SHISA6: variants seen among roughly 807,000 people sequenced by gnomAD.
SHISA6 encodes the protein shisa family member 6.
Under a neutral mutation model 47.9 loss-of-function variants are expected in SHISA6, and 22 were observed. The ratio of observed to expected loss-of-function variants is 0.46; its 90% confidence interval spans 0.33 to 0.66. The LOEUF (loss-of-function observed/expected upper bound fraction) is 0.66, where lower values mean the gene tolerates loss of function less well. Among genes scored for constraint, SHISA6 ranks in the 30% least tolerant of loss-of-function variants. The pLI, the probability that SHISA6 is intolerant of heterozygous loss-of-function variation, is 0.02. For missense variants in SHISA6, 680 were observed against 764.6 expected, an observed-to-expected ratio of 0.89 and a Z score of 1.30; for synonymous variants, 388 against 337.8, an observed-to-expected ratio of 1.15 and a Z score of -1.63.
chr17:11,545,912 G>A lies in SHISA6; in HGVS notation c.896-5984G>A, dbSNP rs138140796. Among the ~76,000 whole-genome samples the A allele has an allele frequency of 2.6e-4, 39 of 152,270 alleles. No individual in the cohort carries two copies. In the East Asian group the frequency reaches 5.8e-3, roughly 23 times the overall value. On this transcript the variant is annotated intron_variant, in intron 3 of 5. Transcript: ENST00000441885. ...AAAGAAAGAGAGCCAGGTGAAAGTC[G>A]TAACACTTTTTGCACCCAGCCTCGG...
intron 3 of SHISA6, among the ~76,000 whole-genome samples, chr17:11,390,301 G>A (rs1477635822): frequency 6.6e-6 from 1 of 152,140 alleles, no homozygotes; most frequent in Non-Finnish European, 1.5e-5. Flanking sequence ...ATATAATAGG[G>A]TAACAGTACT....
intron 3 of SHISA6, among the ~76,000 whole-genome samples, chr17:11,477,751 A>T (rs984068991): frequency 1.5e-4 from 22 of 150,058 alleles, no homozygotes; most frequent in African/African-American, 4.5e-4. Context: ...ACATGAACTC[A>T]TCATTTTTTA....
At chr17:11,376,110 C>T (rs1244517955) in intron 2 of SHISA6, among the ~76,000 whole-genome samples, 1 of 152,126 alleles carries the variant, frequency 6.6e-6, no homozygotes, top group African/African-American at 2.4e-5. Flanking sequence ...CTCTTTTGTC[C>T]TCTTACCCTG....
At chr17:11,500,732 C>T (rs1424379790) in intron 3 of SHISA6, among the ~76,000 whole-genome samples, 1 of 152,176 alleles carries the variant, frequency 6.6e-6, no homozygotes, top group East Asian at 1.9e-4. Flanking sequence ...GTTGCATCAG[C>T]CACATTTTGA....
At chr17:11,436,322 A>G (rs1914938805) in intron 3 of SHISA6, among the ~76,000 whole-genome samples, 2 of 152,192 alleles carry the variant, frequency 1.3e-5, no homozygotes, top group South Asian at 4.1e-4. Context: ...GAGAAAATAA[A>G]TTCCTTTTGT....
At chr17:11,315,735 C>A (rs910810672) in intron 2 of SHISA6, among the ~76,000 whole-genome samples, 1 of 152,054 alleles carries the variant, frequency 6.6e-6, no homozygotes, top group African/African-American at 2.4e-5. Context: ...AATTAATTCA[C>A]CTTGGCCTTG....
intron 3 of SHISA6, among the ~76,000 whole-genome samples, chr17:11,481,851 G>A (rs890392350): frequency 6.6e-6 from 1 of 151,910 alleles, no homozygotes; most frequent in African/African-American, 2.4e-5. Flanking sequence ...GCAAATAACA[G>A]CATGAGAAAT....
intron 3 of SHISA6, among the ~76,000 whole-genome samples, chr17:11,463,283 T>A (rs1023503744): frequency 1.3e-5 from 2 of 152,228 alleles, no homozygotes; most frequent in Non-Finnish European, 2.9e-5. Context: ...TGACACAGAT[T>A]TGGCATATAG....
At chr17:11,251,355 T>G (rs770229661) in intron 1 of SHISA6, among the ~76,000 whole-genome samples, 1 of 151,818 alleles carries the variant, frequency 6.6e-6, no homozygotes, top group Non-Finnish European at 1.5e-5. Flanking sequence ...TATATGATAT[T>G]GGCTGAGGAT....
intron 3 of SHISA6, among the ~76,000 whole-genome samples, chr17:11,522,997 G>A (rs2071643600): frequency 6.6e-6 from 1 of 152,178 alleles, no homozygotes. Flanking sequence ...CATTGCTTAA[G>A]CAGACGTTTT....
intron 3 of SHISA6, among the ~76,000 whole-genome samples, chr17:11,514,906 C>A (rs1567626319): frequency 6.6e-6 from 1 of 152,156 alleles, no homozygotes; most frequent in Non-Finnish European, 1.5e-5. Flanking sequence ...GGGTCATGCC[C>A]CAAATAAATA....
intron 2 of SHISA6, among the ~76,000 whole-genome samples, chr17:11,364,374 A>C (rs1319745772): frequency 6.6e-5 from 10 of 152,184 alleles, no homozygotes; most frequent in Non-Finnish European, 8.8e-5. Context: ...GCTTCTTTCA[A>C]AAGAACTTTG....
Position 11,560,083 on chromosome 17 carries a change from T to G in SHISA6, c.*1779T>G, listed in dbSNP as rs575610369. ...AAGGCGAGTGTAGAAGGAGAATTTA[T>G]TGGTGTCAGCCCTGGAGATTTTTAA... is the stretch of plus-strand genomic sequence containing the variant. On this transcript the variant is annotated 3_prime_UTR_variant, in exon 6 of 6. Transcript: ENST00000441885. 6.6e-6 allele frequency: 1 copy of G among 152,246 alleles called. No homozygotes were observed. Among genetic ancestry groups the G allele is most frequent in the Admixed American group, 6.5e-5 (1 of 15,284 alleles). The allele number at this position is 152,246 out of a possible 1,614,324, so 9.4% of individuals were successfully genotyped here.
At chr17:11,543,010 T>C (rs557592599) in intron 3 of SHISA6, among the ~76,000 whole-genome samples, 31 of 152,294 alleles carry the variant, frequency 2.0e-4, no homozygotes, top group African/African-American at 6.3e-4. Context: ...GTCTTCTGAA[T>C]TGGGCTTCTA....
chr17:11,467,922 C>G (rs184743105), intron 3 of SHISA6, among the ~76,000 whole-genome samples: 1 of 152,238 alleles, frequency 6.6e-6, no homozygotes, highest in Non-Finnish European at 1.5e-5. Flanking sequence ...GCTTCTAAAA[C>G]CCTTAAAGCT....
At chr17:11,252,945 A>G (rs1002860136) in intron 1 of SHISA6, among the ~76,000 whole-genome samples, 2 of 152,156 alleles carry the variant, frequency 1.3e-5, no homozygotes, top group Admixed American at 6.5e-5. Context: ...TTGGGAGACT[A>G]TTTATGCAAT....
intron 2 of SHISA6, among the ~76,000 whole-genome samples, chr17:11,319,939 A>T (rs1478630073): frequency 1.3e-5 from 2 of 152,220 alleles, no homozygotes; most frequent in Non-Finnish European, 2.9e-5. Context: ...AGAAGACAAG[A>T]ATTTGGAAAA....
At chr17:11,357,235 G>A (rs1412128190) in intron 2 of SHISA6, among the ~76,000 whole-genome samples, 7 of 151,422 alleles carry the variant, frequency 4.6e-5, no homozygotes, top group Admixed American at 4.6e-4. Context: ...GAAGAAGCAG[G>A]GAGGTTGCAG....
At chr17:11,534,152 T>C (rs2071764405) in intron 3 of SHISA6, among the ~76,000 whole-genome samples, 1 of 113,338 alleles carries the variant, frequency 8.8e-6, no homozygotes, top group Non-Finnish European at 1.8e-5. Flanking sequence ...GCTAATCTTT[T>C]TTTTCTTTTT....
Sources: allele counts gnomAD v4.1 joint callset (sites outside exome capture counted in the v4.1 genomes callset), GRCh38; gene constraint gnomAD v4.1.1; transcripts MANE v1.5; gene names NCBI Gene and HGNC (gene_info 2026-07-23, HGNC 2026-07-21).